The following RPS6KA2 variants were observed in gnomAD, a reference collection of about 807,000 sequenced individuals.
The protein encoded by RPS6KA2 is ribosomal protein S6 kinase A2.
In RPS6KA2, 42 loss-of-function variants were observed where a neutral mutation model predicts 91.8. The ratio of observed to expected loss-of-function variants is 0.46; its 90% CI spans 0.36 to 0.59. The LOEUF is 0.59. Among genes scored for constraint, RPS6KA2 ranks in the 20% least tolerant of loss-of-function variants. The probability of loss-of-function intolerance (pLI) is 0.00; values close to 1 mark genes in which losing one functional copy is unlikely to be tolerated. For synonymous variants in RPS6KA2, 414 were observed against 393.6 expected (o/e 1.05, Z -0.61); for missense variants, 798 against 978.5 (o/e 0.82, Z 2.46).
At chr6:166,702,454 T>G in intron 2 of RPS6KA2, 1 of 1,587,490 alleles carries the variant, frequency 6.3e-7, no homozygotes, top group Non-Finnish European at 8.6e-7. Context: ...AGCTTGGTCC[T>G]TACTGGAATA....
chr6:166,622,836 C>T (rs1391571200), intron 1 of RPS6KA2, among the ~76,000 whole-genome samples: 2 of 152,214 alleles, frequency 1.3e-5, no homozygotes, highest in South Asian at 2.1e-4. Flanking sequence ...AATAATTTCA[C>T]AGCACTTATA....
intron 2 of RPS6KA2, among the ~76,000 whole-genome samples, chr6:166,641,616 G>A (rs542974024): frequency 6.7e-5 from 10 of 149,798 alleles, no homozygotes; most frequent in Non-Finnish European, 1.0e-4. Context: ...CCAGCTACAC[G>A]GACTGAGGCA....
rs150095798 is a variant in RPS6KA2 at position 166,805,319 on chromosome 6, G to C, written c.123+52881C>G. Among the ~76,000 whole-genome samples, 270 of 152,294 alleles carry C rather than the reference G, an allele frequency of 1.8e-3. 1 individual carries two copies. Among genetic ancestry groups the C allele is most frequent in the African/African-American group, 5.8e-3 (240 of 41,570 alleles). On this transcript the variant is annotated intron_variant, in intron 2 of 21. Transcript: ENST00000503859. ...TCTGTGCTCTGATCACAGAGTTGCA[G>C]ACAGAGAGGCTTGCTATCATTGTTG...
At chr6:166,822,981 G>A (rs1779940869) in intron 2 of RPS6KA2, among the ~76,000 whole-genome samples, 1 of 152,172 alleles carries the variant, frequency 6.6e-6, no homozygotes, top group Non-Finnish European at 1.5e-5. Context: ...TAGAATGAGG[G>A]TATCACTCTT....
intron 10 of RPS6KA2, among the ~76,000 whole-genome samples, chr6:166,473,938 A>G (rs1312545157): frequency 7.0e-6 from 1 of 142,862 alleles, no homozygotes; most frequent in Non-Finnish European, 1.5e-5. Context: ...ATTTGTTTAA[A>G]GGTTTTTTTT....
chr6:166,439,736 G>T (rs1779459722), intron 14 of RPS6KA2, among the ~76,000 whole-genome samples: 1 of 152,196 alleles, frequency 6.6e-6, no homozygotes, highest in African/African-American at 2.4e-5. Flanking sequence ...GTGCATATTT[G>T]TGTTCTCTGG....
chr6:166,573,950 G>A (rs1217688714), intron 1 of RPS6KA2, among the ~76,000 whole-genome samples: 1 of 152,094 alleles, frequency 6.6e-6, no homozygotes, highest in Admixed American at 6.5e-5. Context: ...CCCACAAAGA[G>A]CAGCCACGCA....
chr6:166,485,797 A>C (rs1781388695), intron 10 of RPS6KA2, among the ~76,000 whole-genome samples: 1 of 152,186 alleles, frequency 6.6e-6, no homozygotes. Flanking sequence ...ACTTCGGGAC[A>C]CAGGGTGGGA....
chr6:166,467,584 G>C (rs537644475), intron 11 of RPS6KA2, among the ~76,000 whole-genome samples: 107 of 152,306 alleles, frequency 7.0e-4, no homozygotes, highest in African/African-American at 2.5e-3. Flanking sequence ...TGGGCAGGAG[G>C]GGCCCTGGAA....
rs762664567 is a variant in RPS6KA2, at chr6:166,752,773, CT to C, written c.123+105426del. Among the ~76,000 whole-genome samples the C allele has an allele frequency of 3.9e-5, 6 of 152,200 alleles. 1 individual carries two copies. The East Asian group carries it at 7.7e-4, about 20-fold the overall frequency. On this transcript the variant is annotated intron_variant, in intron 2 of 21. Transcript: ENST00000503859. ...TTTATGTGGTTGTTAGCCTCTCCCCCTGACTCTCCCCATAGTTTTGTGCTTG... is the reference window on the plus strand; with the variant it reads ...TTTATGTGGTTGTTAGCCTCTCCCCCGACTCTCCCCATAGTTTTGTGCTTG...
At chr6:166,617,317 T>C (rs1786449882) in intron 1 of RPS6KA2, among the ~76,000 whole-genome samples, 1 of 152,248 alleles carries the variant, frequency 6.6e-6, no homozygotes. Context: ...TTTTAAAAAA[T>C]GTTGATAGTT....
At chr6:166,783,789 CAT>C (rs1261776990) in intron 2 of RPS6KA2, among the ~76,000 whole-genome samples, 1 of 114,824 alleles carries the variant, frequency 8.7e-6, no homozygotes, top group Non-Finnish European at 2.2e-5. Context: ...TCTATAACTA[CAT>C]ATATACACGT....
At position 166,422,163 on chromosome 6, in the gene RPS6KA2, G is replaced by A. The variant is rs182215501; in HGVS notation, c.1743+1093C>T. Among the ~76,000 whole-genome samples, 417 of 152,276 alleles carry A rather than the reference G, an allele frequency of 2.7e-3. 1 individual carries two copies. The highest frequency in any genetic ancestry group is 0.024 in the Middle Eastern group (7 of 294). ...GATCCACCTGCCTCGGCCTCCCAAA[G>A]TGCTGGGATTACAGGCGTGAGCCAC... is the stretch of plus-strand genomic sequence containing the variant. On this transcript the variant is annotated intron_variant, in intron 17 of 20. Transcript: ENST00000265678.
At chr6:166,473,242 A>G (rs909633) in intron 10 of RPS6KA2, among the ~76,000 whole-genome samples, 47,349 of 151,682 alleles carry the variant, frequency 0.31, 8,737 homozygotes, top group African/African-American at 0.52. Flanking sequence ...CCAGGCTGGT[A>G]TGCAGTGGCA....
At chr6:166,647,444 C>T (rs1213838129) in intron 2 of RPS6KA2, among the ~76,000 whole-genome samples, 1 of 152,160 alleles carries the variant, frequency 6.6e-6, no homozygotes, top group Non-Finnish European at 1.5e-5. Flanking sequence ...CTGTCTGCAC[C>T]GCTGTTCAGA....
chr6:166,419,769 G>T lies in RPS6KA2; in HGVS notation c.1820+113C>A. ...CTGGGAGTGTTTGCATACACGTTGG[G>T]TTTGCCCACATGCGCACACTAGGAC... On this transcript the variant is annotated intron_variant, in intron 18 of 20. Transcript: ENST00000265678. This position sits in a 1 kb window ranked among gnomAD's most constrained non-coding sequence, Gnocchi z 5.6. 1.1e-6 allele frequency: 1 copy of T among 885,576 alleles called. No individual in the cohort carries two copies. Among genetic ancestry groups the T allele is most frequent in the Non-Finnish European group, 1.8e-6 (1 of 541,848 alleles). The allele number at this position is 885,576 out of a possible 1,614,324, so 54.9% of individuals were successfully genotyped here.
chr6:166,614,389 G>A (rs1446574455), intron 1 of RPS6KA2, among the ~76,000 whole-genome samples: 1 of 152,132 alleles, frequency 6.6e-6, no homozygotes, highest in African/African-American at 2.4e-5. Flanking sequence ...GGACACAGCT[G>A]TGCTGCCCGG....
At chr6:166,740,328 G>A (rs1790776128) in intron 2 of RPS6KA2, among the ~76,000 whole-genome samples, 1 of 152,170 alleles carries the variant, frequency 6.6e-6, no homozygotes, top group Non-Finnish European at 1.5e-5. Flanking sequence ...TACTTTACTG[G>A]TGACTGGGGG....
intron 2 of RPS6KA2, among the ~76,000 whole-genome samples, chr6:166,835,394 T>TAAGTCTTCTGATCATGACCTTA (rs1222698077): frequency 1.3e-5 from 2 of 152,208 alleles, no homozygotes; most frequent in Non-Finnish European, 2.9e-5. Context: ...CTAACAACAC[T>TAAGTCTTCTGATCATGACCTTA]AAGTCTTCTG....
Sources: gnomAD v4.1 joint callset for allele counts (sites outside exome capture counted in the v4.1 genomes callset) on GRCh38, gnomAD v4.1.1 for gene constraint, Gnocchi (gnomAD v3.1) non-coding constraint, MANE v1.5 for transcripts, NCBI Gene and HGNC (gene_info 2026-07-23, HGNC 2026-07-21) for gene names.